The following MATR3 variants were observed in gnomAD, a reference collection of about 807,000 sequenced individuals.
MATR3 encodes matrin 3, also known as matrin-3.
Under a neutral mutation model 85.5 loss-of-function variants are expected in MATR3, and 4 were observed. The ratio of observed to expected loss-of-function variants is 0.05; its 90% CI spans 0.02 to 0.11. MATR3 has a LOEUF of 0.11. Among genes scored for constraint, MATR3 ranks in the 10% least tolerant of loss-of-function variants. The pLI, the probability that MATR3 is intolerant of heterozygous loss-of-function variation, is 1.00. For synonymous variants in MATR3, 336 were observed against 343.1 expected, an observed-to-expected ratio of 0.98 and a Z score of 0.23; for missense variants, 685 against 1,016.1, an observed-to-expected ratio of 0.67 and a Z score of 4.43.
upstream of MATR3, among the ~76,000 whole-genome samples, chr5:139,288,807 A>G (rs904739832): frequency 1.3e-5 from 2 of 151,506 alleles, no homozygotes; most frequent in Non-Finnish European, 2.9e-5. Flanking sequence ...CGCCCAGCTA[A>G]TTTTTTTTGT....
chr5:139,291,814 C>T (rs542044504), upstream of MATR3, among the ~76,000 whole-genome samples: 1 of 152,260 alleles, frequency 6.6e-6, no homozygotes, highest in Admixed American at 6.5e-5. Flanking sequence ...GCTGGGATTA[C>T]AGGCATGAGT....
chr5:139,307,320 A>G lies in MATR3; in HGVS notation c.-96A>G, dbSNP rs1754759927. ...TCTTGGCGTTACCATTTTTGAAGCA[A>G]AGTTAACCTAGCTTTCTAGTTTGAG... On this transcript the variant is annotated 5_prime_UTR_variant, in exon 2 of 15. Transcript: ENST00000394805. The surrounding 1 kb of genome is among the most constrained non-coding windows in gnomAD (Gnocchi z 4.4). The G allele has an allele frequency of 6.6e-7, 1 of 1,506,668 alleles. No individual in the cohort carries two copies. 93.3% of individuals were successfully genotyped at this position (1,506,668 alleles called of 1,614,324 possible). A position where few individuals can be genotyped will look rare whatever the true frequency, so the allele number is the denominator to read the frequency against.
Position 139,325,536 on chromosome 5 carries a change from G to A in MATR3, c.2245G>A (p.Glu749Lys). The A allele has an allele frequency of 1.2e-6, 2 of 1,614,180 alleles. No homozygotes were observed. Among genetic ancestry groups the A allele is most frequent in the Non-Finnish European group, 1.7e-6 (2 of 1,180,024 alleles). The change falls in exon 13 of 15, where the codon GAG becomes AAG. Residue 749 changes from glutamate (E) to lysine (K), a missense_variant. Transcript: ENST00000394805. Reference sequence around the variant, plus strand: ...CACAGAACCAGGTGCTGAATCTTCTGAGAACGCTGATGATCCCAACAAAGA... The same window carrying A: ...CACAGAACCAGGTGCTGAATCTTCTAAGAACGCTGATGATCCCAACAAAGA... ...ENTEPGAESS[E>K]NADDPNKDTS...
At chr5:139,327,966 A>G (rs548178820) in intron 14 of MATR3, among the ~76,000 whole-genome samples, 4 of 151,978 alleles carry the variant, frequency 2.6e-5, no homozygotes, top group Admixed American at 6.6e-5. Context: ...GGTTCAAGCA[A>G]TTCTCCTGCC....
At chr5:139,304,196 A>T (rs1314239747) in intron 1 of MATR3, among the ~76,000 whole-genome samples, 6 of 152,210 alleles carry the variant, frequency 3.9e-5, no homozygotes, top group Non-Finnish European at 7.3e-5. Context: ...ATGAATTTTT[A>T]AGCTAATTTG....
At chr5:139,301,511 G>A (rs924597966) in intron 1 of MATR3, among the ~76,000 whole-genome samples, 1 of 152,092 alleles carries the variant, frequency 6.6e-6, no homozygotes, top group African/African-American at 2.4e-5. Context: ...AGTAGAGATG[G>A]GGTTTCAGCG....
intron 7 of MATR3, among the ~76,000 whole-genome samples, 197 bp from the exon 8 acceptor site, chr5:139,318,711 T>C (rs1755385658): frequency 6.6e-6 from 1 of 152,242 alleles, no homozygotes; most frequent in Non-Finnish European, 1.5e-5. Flanking sequence ...TCCCGAAGTG[T>C]TGGGATTACA....
chr5:139,326,644 T>TG, intron 14 of MATR3, among the ~76,000 whole-genome samples: 1 of 152,186 alleles, frequency 6.6e-6, no homozygotes, highest in Non-Finnish European at 1.5e-5. Context: ...TGGCTGGTCT[T>TG]GAACTCCTGA....
At chr5:139,316,971 G>T in intron 5 of MATR3, 82 bp from the exon 6 acceptor site, 1 of 1,048,208 alleles carries the variant, frequency 9.5e-7, no homozygotes, top group Non-Finnish European at 1.5e-6. Context: ...TTTGTGTTTG[G>T]AAGATGCACG....
intron 2 of MATR3, chr5:139,311,816 G>A (rs1326177124): frequency 7.8e-6 from 1 of 127,878 alleles, no homozygotes; most frequent in African/African-American, 3.1e-5. Flanking sequence ...GTCCCAGGCT[G>A]GAGTACAGTG....
At chr5:139,301,614 G>A (rs901624126) in intron 1 of MATR3, among the ~76,000 whole-genome samples, 4 of 151,852 alleles carry the variant, frequency 2.6e-5, no homozygotes, top group Non-Finnish European at 4.4e-5. Context: ...AAGCCACCGC[G>A]CCCAGCCCAG....
chr5:139,321,865 T>C (rs757121638), intron 9 of MATR3, 33 bp from the exon 10 acceptor site: 26 of 1,606,680 alleles, frequency 1.6e-5, no homozygotes, highest in Non-Finnish European at 2.0e-5. Flanking sequence ...TAAAATATAA[T>C]GTGCTTTGTG....
intron 2 of MATR3, among the ~76,000 whole-genome samples, chr5:139,277,692 T>TA (rs1308960893): frequency 2.0e-5 from 3 of 151,776 alleles, no homozygotes; most frequent in Non-Finnish European, 2.9e-5. Context: ...TAAGGGTCCT[T>TA]AGGAGCTGCT....
intron 5 of MATR3, 62 bp downstream of exon 5, chr5:139,316,250 T>C (rs947644070): frequency 1.5e-5 from 19 of 1,264,632 alleles, no homozygotes; most frequent in East Asian, 4.8e-5. Context: ...TTTTTCTTTT[T>C]ATTTATTTAT....
In MATR3 at chr5:139,325,545, G is replaced by T; in HGVS notation, c.2254G>T (p.Asp752Tyr). 6.2e-7 allele frequency: 1 copy of T among 1,614,132 alleles called. No individual in the cohort carries two copies. The highest frequency in any genetic ancestry group is 8.5e-7 in the Non-Finnish European group (1 of 1,179,976). ...EPGAESSENA[D>Y]DPNKDTSENA... ...AGGTGCTGAATCTTCTGAGAACGCTGATGATCCCAACAAAGATACAAGTGA... is the reference window on the plus strand; with the variant it reads ...AGGTGCTGAATCTTCTGAGAACGCTTATGATCCCAACAAAGATACAAGTGA... Residue 752 changes from aspartate (D) to tyrosine (Y), a missense_variant, in exon 13 of 15, where the codon GAT becomes TAT. Around this residue, in one of 9 missense-constraint regions of MATR3, gnomAD observed 215 missense variants for 194.7 expected, o/e 1.10. Coordinates refer to ENST00000394805, the MANE Select transcript of MATR3 (RefSeq NM_018834.6).
Position 139,279,071 on chromosome 5 carries a change from T to A in MATR3, c.-236T>A, listed in dbSNP as rs756181852. 4 of 460,870 alleles carry A rather than the reference T, an allele frequency of 8.7e-6. No homozygotes were observed. In the Admixed American group the frequency reaches 9.3e-5, roughly 11 times the overall value. 28.5% of individuals were successfully genotyped at this position (460,870 alleles called of 1,614,324 possible). On this transcript the variant is annotated 5_prime_UTR_variant, in exon 3 of 17. Transcript: ENST00000509990. Reference sequence around the variant, plus strand: ...CCTAGATGCCTTCACCTGAATGACATCTACCTCCATCAGGACCCCAGATGT... The same window carrying A: ...CCTAGATGCCTTCACCTGAATGACAACTACCTCCATCAGGACCCCAGATGT...
Position 139,331,038 on chromosome 5 carries a change from G to C in MATR3, c.*1643G>C, listed in dbSNP as rs902682833. The C allele has an allele frequency of 2.2e-6, 1 of 453,826 alleles. No homozygotes were observed. The highest frequency in any genetic ancestry group is 4.4e-6 in the Non-Finnish European group (1 of 226,764). 28.1% of individuals were successfully genotyped at this position (453,826 alleles called of 1,614,324 possible). ...ATTCCTGGGCCCAAGTGATCTGCTC[G>C]CTTCAGCCTCCCAAAGTGCTGGGAC... On this transcript the variant is annotated 3_prime_UTR_variant, in exon 15 of 15. Coordinates refer to ENST00000394805, the MANE Select transcript of MATR3 (RefSeq NM_018834.6).
chr5:139,318,896 G>A lies in MATR3; in HGVS notation c.1309-12G>A. ...GGAAAAAACAGAGAAATAACTTTTT[G>A]TATAATTTCAGGCATTTATTGAAAT... On this transcript the variant is annotated splice_polypyrimidine_tract_variant and intron_variant, in intron 7 of 14. Transcript: ENST00000394805. 1 of 1,610,676 alleles carries A rather than the reference G, an allele frequency of 6.2e-7. No individual in the cohort carries two copies. The highest frequency in any genetic ancestry group is 8.5e-7 in the Non-Finnish European group (1 of 1,177,258).
chr5:139,320,784 G>C (rs1411678858), intron 9 of MATR3, among the ~76,000 whole-genome samples: 1 of 115,182 alleles, frequency 8.7e-6, no homozygotes, highest in Non-Finnish European at 1.6e-5. Flanking sequence ...GTCTCGCTCT[G>C]TCACCCCGGC....
Sources: gnomAD v4.1 joint callset for allele counts (sites outside exome capture counted in the v4.1 genomes callset) on GRCh38, gnomAD v4.1.1 for gene constraint, gnomAD v4.1.1 regional missense constraint, Gnocchi (gnomAD v3.1) non-coding constraint, MANE v1.5 for transcripts, NCBI Gene and HGNC (gene_info 2026-07-23, HGNC 2026-07-21) for gene names.